FHIT: variants seen among roughly 807,000 people sequenced by gnomAD.
The protein encoded by FHIT is bis(5'-adenosyl)-triphosphatase.
A neutral mutation model predicts 17.9 loss-of-function variants in FHIT; 19 were observed. The ratio of observed to expected loss-of-function variants is 1.06; its 90% CI spans 0.74 to 1.56. The LOEUF is 1.56. Among genes scored for constraint, FHIT ranks in the 40% most tolerant of loss-of-function variants. The pLI, the probability that FHIT is intolerant of heterozygous loss-of-function variation, is 0.00. For synonymous variants in FHIT, 81 were observed against 69.7 expected (o/e 1.16, Z -0.81); for missense variants, 248 against 189.2 (o/e 1.31, Z -1.82).
chr3:60,926,346 A>G (rs1553769883), intron 3 of FHIT, among the ~76,000 whole-genome samples: 1 of 152,232 alleles, frequency 6.6e-6, no homozygotes, highest in Non-Finnish European at 1.5e-5. Context: ...CAGAAATTAT[A>G]ACAAACTATC....
intron 7 of FHIT, among the ~76,000 whole-genome samples, chr3:59,950,017 T>A (rs1707035078): frequency 6.6e-6 from 1 of 152,180 alleles, no homozygotes; most frequent in Non-Finnish European, 1.5e-5. Context: ...GCAGAAGGAA[T>A]AGAGGTAAGG....
chr3:61,198,755 G>A (rs375294950), intron 2 of FHIT, among the ~76,000 whole-genome samples: 6 of 152,042 alleles, frequency 3.9e-5, no homozygotes, highest in African/African-American at 1.4e-4. Context: ...TGATTCCTAA[G>A]GACCAAGCAG....
chr3:60,945,664 T>C (rs1245862321), intron 3 of FHIT, among the ~76,000 whole-genome samples: 2 of 151,986 alleles, frequency 1.3e-5, no homozygotes, highest in East Asian at 1.9e-4. Context: ...TATTACAGGG[T>C]TTATACAGTT....
chr3:60,331,569 G>A (rs530668163), intron 5 of FHIT, among the ~76,000 whole-genome samples: 9 of 152,292 alleles, frequency 5.9e-5, no homozygotes, highest in South Asian at 2.1e-4. Flanking sequence ...TACTCGGTCC[G>A]GGTATGGTGG....
intron 3 of FHIT, among the ~76,000 whole-genome samples, chr3:61,024,285 T>C (rs1486233662): frequency 6.6e-6 from 1 of 152,124 alleles, no homozygotes. Flanking sequence ...ATACTAAGAC[T>C]TTTATATGAC....
At chr3:60,789,431 T>C (rs2108116134) in intron 4 of FHIT, among the ~76,000 whole-genome samples, 1 of 152,208 alleles carries the variant, frequency 6.6e-6, no homozygotes, top group South Asian at 2.1e-4. Flanking sequence ...GGCAGGAGGA[T>C]CACTTGAACC....
chr3:60,874,429 A>C (rs542445931), intron 3 of FHIT, among the ~76,000 whole-genome samples: 157 of 152,308 alleles, frequency 1.0e-3, no homozygotes, highest in Non-Finnish European at 1.8e-3. Flanking sequence ...CTGAAACTGA[A>C]TGTGGAATGG....
At chr3:60,795,833 T>C (rs1412274611) in intron 4 of FHIT, among the ~76,000 whole-genome samples, 1 of 152,206 alleles carries the variant, frequency 6.6e-6, no homozygotes, top group African/African-American at 2.4e-5. Context: ...TTTTTTGTTT[T>C]TGTACTCCCT....
intron 7 of FHIT, among the ~76,000 whole-genome samples, chr3:59,966,172 A>T (rs1299084924): frequency 6.6e-6 from 1 of 152,192 alleles, no homozygotes; most frequent in African/African-American, 2.4e-5. Context: ...ATTCAAACAA[A>T]TAAGACTCTT....
At chr3:60,324,998 A>C (rs1709619989) in intron 5 of FHIT, among the ~76,000 whole-genome samples, 1 of 152,198 alleles carries the variant, frequency 6.6e-6, no homozygotes, top group South Asian at 2.1e-4. Context: ...TCTGAAGGTC[A>C]CACAAAGGTG....
At chr3:60,492,958 G>C (rs753762587) in intron 5 of FHIT, among the ~76,000 whole-genome samples, 1 of 152,082 alleles carries the variant, frequency 6.6e-6, no homozygotes, top group Non-Finnish European at 1.5e-5. Flanking sequence ...CTCTGGGCGA[G>C]TAACTCCCAT....
intron 5 of FHIT, among the ~76,000 whole-genome samples, chr3:60,207,066 T>C (rs1429901325): frequency 6.6e-6 from 1 of 151,892 alleles, no homozygotes; most frequent in African/African-American, 2.4e-5. Flanking sequence ...GAAAAACCAT[T>C]TGAAAAAAGT....
At chr3:59,975,333 C>G (rs1449850921) in intron 7 of FHIT, among the ~76,000 whole-genome samples, 1 of 152,066 alleles carries the variant, frequency 6.6e-6, no homozygotes, top group African/African-American at 2.4e-5. Context: ...CTTAAACTCT[C>G]TGTGTCCCAA....
At chr3:59,968,583 C>T (rs1310598228) in intron 7 of FHIT, among the ~76,000 whole-genome samples, 1 of 152,106 alleles carries the variant, frequency 6.6e-6, no homozygotes, top group East Asian at 1.9e-4. Context: ...CACAATGCCT[C>T]TAGTGGTAAT....
intron 5 of FHIT, among the ~76,000 whole-genome samples, chr3:60,441,139 G>C (rs1025300111): frequency 6.6e-6 from 1 of 151,886 alleles, no homozygotes; most frequent in Non-Finnish European, 1.5e-5. Flanking sequence ...TGATACAGGA[G>C]ACAGAAAAGA....
At chr3:61,011,726 C>A (rs748513274) in intron 3 of FHIT, among the ~76,000 whole-genome samples, 1 of 152,052 alleles carries the variant, frequency 6.6e-6, no homozygotes, top group Non-Finnish European at 1.5e-5. Context: ...CATCTGCAAA[C>A]AATTGTCAAA....
At chr3:60,089,322 G>T (rs1000937388) in intron 5 of FHIT, among the ~76,000 whole-genome samples, 3 of 151,850 alleles carry the variant, frequency 2.0e-5, no homozygotes, top group Non-Finnish European at 4.4e-5. Flanking sequence ...ATATTTTTGG[G>T]TTTTTTTTGT....
At chr3:60,857,605 T>C (rs1553750308) in intron 3 of FHIT, among the ~76,000 whole-genome samples, 1 of 152,188 alleles carries the variant, frequency 6.6e-6, no homozygotes, top group African/African-American at 2.4e-5. Context: ...AGTTCTTTAT[T>C]GTTCTGCCCA....
intron 2 of FHIT, among the ~76,000 whole-genome samples, chr3:61,171,549 A>G (rs10049007): frequency 0.46 from 70,674 of 151,998 alleles, 17,306 homozygotes; most frequent in East Asian, 0.87. Context: ...AAAATACACT[A>G]AAACAGAAAC....
Sources: gnomAD v4.1 joint callset for allele counts (sites outside exome capture counted in the v4.1 genomes callset) on GRCh38, gnomAD v4.1.1 for gene constraint, MANE v1.5 for transcripts, NCBI Gene and HGNC (gene_info 2026-07-23, HGNC 2026-07-21) for gene names.